The following SV2C variants were observed in gnomAD, a reference collection of about 807,000 sequenced individuals.
SV2C encodes solute carrier family 22 member B3.
A neutral mutation model predicts 79.7 loss-of-function variants in SV2C; 49 were observed. The observed-to-expected ratio is 0.61, with a 90% CI of 0.49 to 0.78. The LOEUF (loss-of-function observed/expected upper bound fraction) is 0.78, where lower values mean the gene tolerates loss of function less well. Ranked by LOEUF, SV2C falls within the 30% of genes least tolerant of loss-of-function variation. The pLI, the probability that SV2C is intolerant of heterozygous loss-of-function variation, is 0.00. For synonymous variants in SV2C, 334 were observed against 333.2 expected (o/e 1.00, Z -0.03); for missense variants, 833 against 912.9 (o/e 0.91, Z 1.13).
the SV2C span, among the ~76,000 whole-genome samples, chr5:75,991,435 ATATATT>A: frequency 6.6e-6 from 1 of 151,172 alleles, no homozygotes; most frequent in East Asian, 1.9e-4. Context: ...GAAAATTTAA[ATATATT>A]TATAAGCAAT....
rs73113749 is a variant in SV2C, at chr5:76,188,318, A to C, written c.581-6601A>C. Among the ~76,000 whole-genome samples, 818 of 152,284 alleles carry C rather than the reference A, an allele frequency of 5.4e-3. 12 individuals are homozygous for C. The highest frequency in any genetic ancestry group is 0.019 in the African/African-American group (773 of 41,556). On this transcript the variant is annotated intron_variant, in intron 2 of 12. Transcript: ENST00000502798. Reference sequence around the variant, plus strand: ...CAACTGTGTGTTTTACACAGTACTAAGCACTTTATCTCATTTAATCTCTCA... The same window carrying C: ...CAACTGTGTGTTTTACACAGTACTACGCACTTTATCTCATTTAATCTCTCA...
rs541891495 is a variant in SV2C, at chr5:76,173,209, A to C, written c.581-21710A>C. Among the ~76,000 whole-genome samples, 1,170 of 149,866 alleles carry C rather than the reference A, an allele frequency of 7.8e-3. 15 individuals carry two copies. Among genetic ancestry groups the C allele is most frequent in the African/African-American group, 0.027 (1,119 of 41,144 alleles). On this transcript the variant is annotated intron_variant, in intron 2 of 12. Transcript: ENST00000502798. Reference sequence around the variant, plus strand: ...GAAGCGAAGTTATCTGGAGTAGTCTATATAGGAGCTCTTTGGACTTTCTTT... The same window carrying C: ...GAAGCGAAGTTATCTGGAGTAGTCTCTATAGGAGCTCTTTGGACTTTCTTT...
chr5:75,864,694 A>G, the SV2C span, among the ~76,000 whole-genome samples: 158 of 152,344 alleles, frequency 1.0e-3, 1 homozygote, highest in Non-Finnish European at 1.9e-3. Flanking sequence ...CCCTCCCAGC[A>G]TGGGAGCAAG....
chr5:76,163,063 G>A lies in SV2C; in HGVS notation c.580+30733G>A, dbSNP rs144840099. ...GTCTGCCTTGGACACCTCCAAACAGGTATAAAAATTCACTGCCACCAGAAA... is the reference window on the plus strand; with the variant it reads ...GTCTGCCTTGGACACCTCCAAACAGATATAAAAATTCACTGCCACCAGAAA... On this transcript the variant is annotated intron_variant, in intron 2 of 12. Transcript: ENST00000502798. 5.5e-3 allele frequency among the ~76,000 whole-genome samples: 836 copies of A among 152,274 alleles called. 8 individuals are homozygous for A. Among genetic ancestry groups the A allele is most frequent in the Non-Finnish European group, 9.3e-3 (632 of 68,016 alleles).
intron 2 of SV2C, among the ~76,000 whole-genome samples, chr5:76,159,975 A>G (rs1742849693): frequency 6.6e-6 from 1 of 152,112 alleles, no homozygotes; most frequent in African/African-American, 2.4e-5. Flanking sequence ...TCCATTTATA[A>G]TAGTATTAAA....
At chr5:75,892,750 C>CAAA in the SV2C span, among the ~76,000 whole-genome samples, 1 of 152,096 alleles carries the variant, frequency 6.6e-6, no homozygotes, top group African/African-American at 2.4e-5. Flanking sequence ...CATATTTCTG[C>CAAA]AAAAGACATG....
At chr5:76,005,236 A>C in the SV2C span, among the ~76,000 whole-genome samples, 2 of 152,154 alleles carry the variant, frequency 1.3e-5, no homozygotes, top group African/African-American at 4.8e-5. Context: ...TATTTGTTTT[A>C]TATTTATGGT....
the SV2C span, chr5:75,920,522 G>T: frequency 2.4e-6 from 1 of 416,838 alleles, no homozygotes; most frequent in Non-Finnish European, 4.2e-6. Flanking sequence ...GGAACAGGAA[G>T]CATGTCTGGT....
chr5:75,978,715 T>C, the SV2C span, among the ~76,000 whole-genome samples: 2 of 152,192 alleles, frequency 1.3e-5, no homozygotes, highest in African/African-American at 4.8e-5. Context: ...TGCAACTGAA[T>C]GGAGAGAAAT....
chr5:75,921,513 C>A, the SV2C span: 11 of 805,174 alleles, frequency 1.4e-5, no homozygotes, highest in South Asian at 1.1e-4. Flanking sequence ...ATGGCCAGGG[C>A]TGTGACAATC....
At chr5:75,960,141 GA>G in the SV2C span, among the ~76,000 whole-genome samples, 1 of 151,894 alleles carries the variant, frequency 6.6e-6, no homozygotes, top group African/African-American at 2.4e-5. Context: ...AACTTTTAAT[GA>G]AAAAATCCTA....
chr5:76,048,825 A>T, the SV2C span, among the ~76,000 whole-genome samples: 24 of 85,098 alleles, frequency 2.8e-4, no homozygotes, highest in East Asian at 1.6e-3. Flanking sequence ...AAAAAAAAAA[A>T]ATTTTGGGGC....
Position 76,331,484 on chromosome 5 carries a change from T to C in SV2C, c.*5937T>C, listed in dbSNP as rs554038771. 16 of 152,328 alleles carry C rather than the reference T, an allele frequency of 1.1e-4. No homozygotes were observed. Among genetic ancestry groups the C allele is most frequent in the African/African-American group, 3.9e-4 (16 of 41,540 alleles). The allele number at this position is 152,328 out of a possible 1,614,324, so 9.4% of individuals were successfully genotyped here. A position where few individuals can be genotyped will look rare whatever the true frequency, so the allele number is the denominator to read the frequency against. Reference sequence around the variant, plus strand: ...GGTTTCAGTTTAAAACTGGTGCGTGTTGTTGCAAGTGTCTTGAAGTTGCAA... The same window carrying C: ...GGTTTCAGTTTAAAACTGGTGCGTGCTGTTGCAAGTGTCTTGAAGTTGCAA... On this transcript the variant is annotated 3_prime_UTR_variant, in exon 13 of 13. Coordinates refer to ENST00000502798, the MANE Select transcript of SV2C (RefSeq NM_014979.4).
the SV2C span, among the ~76,000 whole-genome samples, chr5:75,997,310 A>G: frequency 6.6e-5 from 10 of 152,182 alleles, no homozygotes; most frequent in Non-Finnish European, 1.2e-4. Flanking sequence ...CACCAAAAGC[A>G]ATGGACAACA....
chr5:76,350,007 G>A (rs192059521), intron 12 of SV2C, among the ~76,000 whole-genome samples: 26 of 152,290 alleles, frequency 1.7e-4, no homozygotes, highest in African/African-American at 5.3e-4. Flanking sequence ...CATTGCAAGC[G>A]CCTTAGCTTC....
Position 76,170,872 on chromosome 5 carries a change from G to T in SV2C, c.581-24047G>T, listed in dbSNP as rs1274336102. 58 of 306,394 alleles carry T rather than the reference G, an allele frequency of 1.9e-4. 1 individual carries two copies. The highest frequency in any genetic ancestry group is 1.2e-3 in the African/African-American group (51 of 40,980). 19.0% of individuals were successfully genotyped at this position (306,394 alleles called of 1,614,324 possible). ...GTTGGCGCGGCTGCGCTGCGGCCCG[G>T]GGCAGTGCGGAGCCGGGACAGTCGC... is the stretch of plus-strand genomic sequence containing the variant. On this transcript the variant is annotated intron_variant, in intron 2 of 12. Transcript: ENST00000502798.
At chr5:75,995,198 T>G in the SV2C span, among the ~76,000 whole-genome samples, 3 of 152,132 alleles carry the variant, frequency 2.0e-5, no homozygotes, top group Admixed American at 6.6e-5. Context: ...AGAAACACCC[T>G]TACAGACATA....
chr5:75,899,689 G>T, the SV2C span, among the ~76,000 whole-genome samples: 1 of 152,216 alleles, frequency 6.6e-6, no homozygotes, highest in African/African-American at 2.4e-5. Context: ...CATTATTATT[G>T]AATGGGAGTC....
At chr5:76,341,432 C>T (rs1749439343) in intron 12 of SV2C, among the ~76,000 whole-genome samples, 1 of 152,126 alleles carries the variant, frequency 6.6e-6, no homozygotes, top group Admixed American at 6.5e-5. Flanking sequence ...TGCTAGGATC[C>T]ACTTAGCACT....
Sources: gnomAD v4.1 joint callset for allele counts (sites outside exome capture counted in the v4.1 genomes callset) on GRCh38, gnomAD v4.1.1 for gene constraint, MANE v1.5 for transcripts, NCBI Gene and HGNC (gene_info 2026-07-23, HGNC 2026-07-21) for gene names.